The following VRK2 variants were observed in gnomAD, a reference collection of about 807,000 sequenced individuals.
The protein encoded by VRK2 is serine/threonine-protein kinase VRK2.
VRK2 carries 60 observed loss-of-function variants against 57.6 expected under a neutral mutation model. The observed-to-expected ratio is 1.04, with a 90% CI of 0.85 to 1.29. The LOEUF is 1.29. Ranked by LOEUF, VRK2 falls within the 50% of genes most tolerant of loss-of-function variation. The pLI, the probability that VRK2 is intolerant of heterozygous loss-of-function variation, is 0.00. For synonymous variants in VRK2, 231 were observed against 199.2 expected (o/e 1.16, Z -1.35); for missense variants, 705 against 588.1 (o/e 1.20, Z -2.06).
chr2:58,095,345 A>C lies in VRK2; in HGVS notation c.543+5622A>C, dbSNP rs375685138. Among the ~76,000 whole-genome samples the C allele has an allele frequency of 4.3e-4, 66 of 152,070 alleles. No homozygotes were observed. The East Asian group carries it at 0.011, about 24-fold the overall frequency. On this transcript the variant is annotated intron_variant, in intron 7 of 12. Coordinates refer to ENST00000340157, the MANE Select transcript of VRK2 (RefSeq NM_006296.7). ...TGGCATTTTCATTGAAATTATGTTA[A>C]GTTTTAAAATTGATTTGGGGGAGAC...
intron 1 of VRK2, among the ~76,000 whole-genome samples, chr2:57,968,216 G>C (rs191748887): frequency 6.6e-6 from 1 of 151,838 alleles, no homozygotes; most frequent in African/African-American, 2.4e-5. Flanking sequence ...TTAGTATGCT[G>C]AAGAAAAAGA....
rs377436957 is a variant in VRK2, at chr2:58,159,394, T to G, written c.1228T>G (p.Leu410Val). 2 of 1,613,036 alleles carry G rather than the reference T, an allele frequency of 1.2e-6. No homozygotes were observed. The highest frequency in any genetic ancestry group is 1.7e-5 in the Admixed American group (1 of 59,854). Residue 410 changes from leucine to valine, a missense_variant, in exon 13 of 13, where the codon TTG becomes GTG. By Grantham distance (32) the Leu-to-Val change is conservative. Coordinates refer to ENST00000340157, the MANE Select transcript of VRK2 (RefSeq NM_006296.7). Reference protein sequence around the residue: ...RQKYQESQEPLNEVNSFPQKI... With the variant: ...RQKYQESQEPVNEVNSFPQKI... ...GAAATATCAAGAGTCTCAAGAACCT[T>G]TGAATGAAGTAAACAGTTTCCCACA...
At chr2:57,978,018 T>C (rs1175384691) in intron 1 of VRK2, among the ~76,000 whole-genome samples, 1 of 151,344 alleles carries the variant, frequency 6.6e-6, no homozygotes, top group Non-Finnish European at 1.5e-5. Flanking sequence ...ATGAATCACA[T>C]GTATTGATTT....
At chr2:57,969,316 T>C (rs1362470478) in intron 1 of VRK2, among the ~76,000 whole-genome samples, 3 of 152,094 alleles carry the variant, frequency 2.0e-5, no homozygotes, top group Non-Finnish European at 4.4e-5. Context: ...AAGTTTTTTT[T>C]TGAATTGCAA....
chr2:58,050,038 G>GA (rs1675473885), intron 2 of VRK2, among the ~76,000 whole-genome samples: 1 of 151,894 alleles, frequency 6.6e-6, no homozygotes, highest in Non-Finnish European at 1.5e-5. Flanking sequence ...GAAATTGCTT[G>GA]AAAAAATACT....
At chr2:58,116,855 C>T (rs1260887635) in intron 7 of VRK2, among the ~76,000 whole-genome samples, 6 of 152,100 alleles carry the variant, frequency 3.9e-5, no homozygotes, top group African/African-American at 7.2e-5. Flanking sequence ...GGCCTGGTGG[C>T]CAGATTTCTG....
intron 7 of VRK2, among the ~76,000 whole-genome samples, chr2:58,113,299 C>T (rs1479288139): frequency 7.1e-6 from 1 of 140,666 alleles, no homozygotes; most frequent in Non-Finnish European, 1.5e-5. Context: ...GCAACAGGAG[C>T]GAAACTCCGT....
chr2:58,033,774 A>G (rs1472723309), intron 3 of VRK2: 1 of 152,022 alleles, frequency 6.6e-6, no homozygotes, highest in East Asian at 1.9e-4. Flanking sequence ...CAAAGAAGCT[A>G]TGTAGTCTAA....
chr2:58,012,387 T>C (rs1481495385), intron 1 of VRK2, among the ~76,000 whole-genome samples: 1 of 152,208 alleles, frequency 6.6e-6, no homozygotes, highest in Non-Finnish European at 1.5e-5. Flanking sequence ...TTGGGACCCC[T>C]TTCCTGTAAC....
intron 1 of VRK2, among the ~76,000 whole-genome samples, chr2:57,991,812 T>C (rs948760132): frequency 3.4e-5 from 5 of 148,018 alleles, no homozygotes; most frequent in African/African-American, 1.3e-4. Flanking sequence ...AAAAAAATTA[T>C]CTGGGCGTGG....
At chr2:57,977,768 G>A (rs1323117801) in intron 1 of VRK2, among the ~76,000 whole-genome samples, 2 of 151,084 alleles carry the variant, frequency 1.3e-5, no homozygotes, top group African/African-American at 4.9e-5. Flanking sequence ...AATAGGAATG[G>A]TGACAATGGG....
At chr2:57,912,249 A>G (rs1670009051) in intron 1 of VRK2, among the ~76,000 whole-genome samples, 1 of 152,196 alleles carries the variant, frequency 6.6e-6, no homozygotes, top group African/African-American at 2.4e-5. Context: ...ATAGATCTAC[A>G]AGTGAACAAG....
intron 7 of VRK2, among the ~76,000 whole-genome samples, chr2:58,121,821 A>T (rs1677557183): frequency 6.6e-6 from 1 of 152,194 alleles, no homozygotes; most frequent in African/African-American, 2.4e-5. Context: ...TCCAAGTTGA[A>T]ACTGCTTTCT....
chr2:58,098,192 A>T (rs1174088703), intron 7 of VRK2, among the ~76,000 whole-genome samples: 9 of 152,166 alleles, frequency 5.9e-5, no homozygotes, highest in African/African-American at 2.2e-4. Flanking sequence ...GTATAGCTAT[A>T]CAATGTTTGT....
chr2:58,049,392 T>C (rs1427637295), intron 2 of VRK2, among the ~76,000 whole-genome samples: 3 of 152,202 alleles, frequency 2.0e-5, no homozygotes, highest in African/African-American at 7.2e-5. Flanking sequence ...GGAGAATTCA[T>C]AGATAAAACT....
At chr2:58,115,248 CAG>C (rs1282829936) in intron 7 of VRK2, among the ~76,000 whole-genome samples, 6 of 151,780 alleles carry the variant, frequency 4.0e-5, no homozygotes, top group African/African-American at 1.5e-4. Flanking sequence ...TCAGGTGGAT[CAG>C]AGAGATACAG....
At chr2:58,046,996 C>A in intron 1 of VRK2, 128 bp downstream of exon 1, 17 of 984,526 alleles carry the variant, frequency 1.7e-5, no homozygotes, top group Non-Finnish European at 2.1e-5. Context: ...CGTCCCAGCC[C>A]CCGGGCCTCA....
intron 8 of VRK2, among the ~76,000 whole-genome samples, chr2:58,130,754 A>G (rs1178641549): frequency 6.6e-6 from 1 of 152,192 alleles, no homozygotes; most frequent in African/African-American, 2.4e-5. Flanking sequence ...AGGAGATTAT[A>G]TATCCCTACA....
chr2:58,066,068 C>A (rs1668566405), intron 2 of VRK2, among the ~76,000 whole-genome samples: 1 of 152,138 alleles, frequency 6.6e-6, no homozygotes, highest in African/African-American at 2.4e-5. Context: ...GATAGGGACA[C>A]CTTCCTTTCC....
Sources: allele counts gnomAD v4.1 joint callset (sites outside exome capture counted in the v4.1 genomes callset), GRCh38; gene constraint gnomAD v4.1.1; transcripts MANE v1.5; gene names NCBI Gene and HGNC (gene_info 2026-07-23, HGNC 2026-07-21).